Variants in STPG2 observed in about 807,000 individuals in gnomAD.
The protein encoded by STPG2 is sperm tail PG-rich repeat containing 2.
A neutral mutation model predicts 54.2 loss-of-function variants in STPG2; 56 were observed. The observed-to-expected ratio is 1.03, with a 90% CI of 0.83 to 1.29. The LOEUF (loss-of-function observed/expected upper bound fraction) is 1.29, where lower values mean the gene tolerates loss of function less well. STPG2 is among the 50% of genes most tolerant of loss of function. STPG2 has a pLI of 0.00. For synonymous variants in STPG2, 200 were observed against 181.8 expected (o/e 1.10, Z -0.81); for missense variants, 596 against 544.9 (o/e 1.09, Z -0.93).
chr4:97,592,787 C>T (rs1177316856), intron 10 of STPG2, among the ~76,000 whole-genome samples: 1 of 152,098 alleles, frequency 6.6e-6, no homozygotes, highest in Admixed American at 6.5e-5. Flanking sequence ...AGATGATCCC[C>T]TCTCACCATA....
chr4:97,534,779 CT>C (rs1731492024), intron 4 of STPG2, among the ~76,000 whole-genome samples: 1 of 152,120 alleles, frequency 6.6e-6, no homozygotes, highest in African/African-American at 2.4e-5. Context: ...ACAAACAACC[CT>C]TCTGTACACA....
intron 4 of STPG2, among the ~76,000 whole-genome samples, chr4:97,454,295 T>C (rs1445062077): frequency 6.6e-6 from 1 of 151,042 alleles, no homozygotes; most frequent in East Asian, 2.0e-4. Flanking sequence ...GGGTGGATCA[T>C]GAGGTCAGGA....
At chr4:97,897,114 T>G (rs904873609) in intron 8 of STPG2, among the ~76,000 whole-genome samples, 3 of 151,886 alleles carry the variant, frequency 2.0e-5, no homozygotes, top group African/African-American at 7.2e-5. Flanking sequence ...TGTGTCCATA[T>G]GTTCTCATCA....
intron 5 of STPG2, among the ~76,000 whole-genome samples, chr4:98,065,457 C>T (rs914130766): frequency 1.3e-5 from 2 of 152,156 alleles, no homozygotes; most frequent in Non-Finnish European, 2.9e-5. Context: ...TAGATTTCTT[C>T]CACAATAGCC....
At chr4:98,043,410 C>T (rs1015783960) in intron 5 of STPG2, among the ~76,000 whole-genome samples, 2 of 151,890 alleles carry the variant, frequency 1.3e-5, no homozygotes, top group African/African-American at 4.8e-5. Flanking sequence ...TTTTGTCCCT[C>T]TTTTTCTCTT....
chr4:97,986,117 T>C (rs988801377), intron 5 of STPG2, among the ~76,000 whole-genome samples: 2 of 152,326 alleles, frequency 1.3e-5, no homozygotes, highest in Admixed American at 6.5e-5. Context: ...TTAAAAATCA[T>C]GTTAATTTTA....
intron 9 of STPG2, among the ~76,000 whole-genome samples, chr4:97,766,634 C>G (rs1371994843): frequency 6.6e-6 from 1 of 151,880 alleles, no homozygotes; most frequent in Non-Finnish European, 1.5e-5. Flanking sequence ...GTTTTAATAG[C>G]AAGATAAGCC....
At chr4:97,763,059 T>G (rs1213779007) in intron 9 of STPG2, among the ~76,000 whole-genome samples, 1 of 152,200 alleles carries the variant, frequency 6.6e-6, no homozygotes, top group African/African-American at 2.4e-5. Flanking sequence ...AAGACAAATT[T>G]GTTTTGTATT....
intron 10 of STPG2, among the ~76,000 whole-genome samples, chr4:97,646,912 T>G (rs916800099): frequency 6.6e-6 from 1 of 152,120 alleles, no homozygotes; most frequent in Non-Finnish European, 1.5e-5. Flanking sequence ...AATTGACAGT[T>G]ATTAGGTGCC....
chr4:97,800,147 G>T (rs964385637), intron 9 of STPG2, among the ~76,000 whole-genome samples: 2 of 152,154 alleles, frequency 1.3e-5, no homozygotes, highest in Non-Finnish European at 2.9e-5. Flanking sequence ...TTAGCTCGGA[G>T]TACTTTGATC....
At chr4:98,119,607 T>A (rs761209053) in intron 3 of STPG2, among the ~76,000 whole-genome samples, 2 of 146,360 alleles carry the variant, frequency 1.4e-5, no homozygotes, top group Non-Finnish European at 3.0e-5. Context: ...AAAGAATGCC[T>A]TTTTTTTTTT....
chr4:97,745,954 A>G (rs149286186), intron 9 of STPG2, among the ~76,000 whole-genome samples: 85 of 151,408 alleles, frequency 5.6e-4, no homozygotes, highest in Admixed American at 9.2e-4. Context: ...ATGGAAGATG[A>G]GAGTTGTTTG....
chr4:97,604,176 T>C (rs1261502350), intron 10 of STPG2, among the ~76,000 whole-genome samples: 1 of 151,634 alleles, frequency 6.6e-6, no homozygotes. Flanking sequence ...GAAATAGTAA[T>C]CTAGTAATCC....
intron 4 of STPG2, among the ~76,000 whole-genome samples, chr4:97,517,021 C>T (rs1731089497): frequency 1.3e-5 from 2 of 151,754 alleles, no homozygotes; most frequent in African/African-American, 4.8e-5. Context: ...GATTTTCCTG[C>T]CTCAGCCTCC....
intron 10 of STPG2, among the ~76,000 whole-genome samples, chr4:97,680,283 T>C (rs1722991429): frequency 6.6e-6 from 1 of 151,786 alleles, no homozygotes; most frequent in Non-Finnish European, 1.5e-5. Flanking sequence ...TCCATTTGTT[T>C]GTATCCTCTT....
chr4:97,869,238 T>C (rs1173754107), intron 8 of STPG2, among the ~76,000 whole-genome samples: 1 of 151,752 alleles, frequency 6.6e-6, no homozygotes, highest in Non-Finnish European at 1.5e-5. Flanking sequence ...ATAATCTATA[T>C]TCAATTAGTT....
At chr4:98,030,543 C>T (rs1412737994) in intron 5 of STPG2, among the ~76,000 whole-genome samples, 2 of 152,062 alleles carry the variant, frequency 1.3e-5, no homozygotes, top group Admixed American at 6.6e-5. Context: ...AACTAAAATT[C>T]AGATGGAACC....
intron 8 of STPG2, among the ~76,000 whole-genome samples, chr4:97,842,461 T>C (rs1728831266): frequency 6.6e-6 from 1 of 151,918 alleles, no homozygotes; most frequent in Non-Finnish European, 1.5e-5. Context: ...ACAATATGCC[T>C]AGTGTAAATA....
At chr4:97,725,566 T>C (rs1724596644) in intron 9 of STPG2, among the ~76,000 whole-genome samples, 1 of 151,708 alleles carries the variant, frequency 6.6e-6, no homozygotes, top group Non-Finnish European at 1.5e-5. Context: ...ACTGTTGGTA[T>C]AGAAAATTAT....
Sources: allele counts gnomAD v4.1 joint callset (sites outside exome capture counted in the v4.1 genomes callset), GRCh38; gene constraint gnomAD v4.1.1; transcripts MANE v1.5; gene names NCBI Gene and HGNC (gene_info 2026-07-23, HGNC 2026-07-21).